The following PELI1 variants were observed in gnomAD, a reference collection of about 807,000 sequenced individuals.
PELI1 encodes the protein E3 ubiquitin-protein ligase pellino homolog 1.
PELI1 carries 15 observed loss-of-function variants against 41.3 expected under a neutral mutation model. That is an observed-to-expected ratio of 0.36 (90% CI 0.24 to 0.56). PELI1 has a LOEUF of 0.56. PELI1 is among the 20% of genes least tolerant of loss of function. The pLI is 0.82. For missense variants in PELI1, 403 were observed against 525.5 expected, an observed-to-expected ratio of 0.77 and a Z score of 2.28; for synonymous variants, 178 against 180.1, an observed-to-expected ratio of 0.99 and a Z score of 0.09.
intron 1 of PELI1, among the ~76,000 whole-genome samples, chr2:64,112,650 C>T (rs984929489): frequency 1.3e-5 from 2 of 152,172 alleles, no homozygotes; most frequent in Admixed American, 6.5e-5. Flanking sequence ...TCAATCTTGG[C>T]TTCTACTTCT....
chr2:64,140,044 T>G (rs1456376704), intron 1 of PELI1, among the ~76,000 whole-genome samples: 1 of 152,222 alleles, frequency 6.6e-6, no homozygotes, highest in Non-Finnish European at 1.5e-5. Flanking sequence ...TTTCTTAGCT[T>G]ATTTTAGACA....
At chr2:64,103,353 T>C (rs980865587) in intron 3 of PELI1, among the ~76,000 whole-genome samples, 4 of 152,176 alleles carry the variant, frequency 2.6e-5, no homozygotes, top group African/African-American at 9.7e-5. Flanking sequence ...TCTGAAAATA[T>C]GCTGTGCATT....
intron 1 of PELI1, among the ~76,000 whole-genome samples, chr2:64,141,296 T>C (rs1408357540): frequency 4.1e-5 from 6 of 146,782 alleles, no homozygotes; most frequent in African/African-American, 1.5e-4. Context: ...TGGAATAACA[T>C]GTTTCCCGCC....
At position 64,093,515 on chromosome 2, in the gene PELI1, A is replaced by T. The variant is rs921176921; in HGVS notation, c.*1187T>A. On this transcript the variant is annotated 3_prime_UTR_variant, in exon 7 of 7. Coordinates refer to ENST00000358912, the MANE Select transcript of PELI1 (RefSeq NM_020651.4). ...GCAAAAGACATATTGGAATTAGAGA[A>T]TAAACAGACCATGCAGTGCGTCACT... 6.6e-6 allele frequency: 1 copy of T among 152,624 alleles called. No homozygotes were observed. Among genetic ancestry groups the T allele is most frequent in the Middle Eastern group, 3.2e-3 (1 of 316 alleles). The allele number at this position is 152,624 out of a possible 1,614,324, so 9.5% of individuals were successfully genotyped here.
Position 64,096,503 on chromosome 2 carries a change from A to C in PELI1, c.411T>G (p.Phe137Leu). The change falls in exon 5 of 7, where the codon TTT (phenylalanine) becomes TTG (leucine). Residue 137 changes from phenylalanine to leucine, a missense_variant. Coordinates refer to ENST00000358912, the MANE Select transcript of PELI1 (RefSeq NM_020651.4). Reference sequence around the variant, plus strand: ...TCCGTTCACATATGATTCTGCAGGCAAATCTTGATATAGTGCTTTGTACTG... The same window carrying C: ...TCCGTTCACATATGATTCTGCAGGCCAATCTTGATATAGTGCTTTGTACTG... Reference protein sequence around the residue: ...TQSVQSTISRFACRIICERNP... With the variant: ...TQSVQSTISRLACRIICERNP... 1 of 1,612,224 alleles carries C rather than the reference A, an allele frequency of 6.2e-7. No individual in the cohort carries two copies. The highest frequency in any genetic ancestry group is 1.1e-5 in the South Asian group (1 of 91,042).
intron 1 of PELI1, among the ~76,000 whole-genome samples, chr2:64,129,007 A>G (rs920234127): frequency 6.6e-6 from 1 of 152,130 alleles, no homozygotes; most frequent in African/African-American, 2.4e-5. Flanking sequence ...CACCATCACA[A>G]TGTTTACTGA....
intron 1 of PELI1, among the ~76,000 whole-genome samples, chr2:64,136,844 A>T (rs1681732104): frequency 6.6e-6 from 1 of 152,226 alleles, no homozygotes; most frequent in African/African-American, 2.4e-5. Flanking sequence ...TGGAGGTTGC[A>T]GTGAGCCGAG....
chr2:64,113,300 GAAA>G (rs57291699), intron 1 of PELI1, among the ~76,000 whole-genome samples: 2,302 of 131,826 alleles, frequency 0.017, 52 homozygotes, highest in African/African-American at 0.06. Flanking sequence ...CAAAAAAAAA[GAAA>G]AAAAAAAAAA....
chr2:64,108,147 T>A (rs1680682844), intron 2 of PELI1, 93 bp downstream of exon 2: 2 of 697,678 alleles, frequency 2.9e-6, no homozygotes, highest in Non-Finnish European at 5.1e-6. Context: ...GCAGGTAAGA[T>A]ATAAATTCCA....
Position 64,096,299 on chromosome 2 carries a change from T to C in PELI1, c.516A>G (p.Lys172=), listed in dbSNP as rs1371992715. The part of the protein sequence containing the change: ...KNIFLGEKAA[K]WKTSDGQMDG... ...CCATCTGTCCATCTGATGTCTTCCA[T>C]TTGGCAGCCTTCTCCTAGTAGAAAT... The change falls in exon 6 of 7, where the codon AAA becomes AAG. Residue 172 remains lysine, a synonymous_variant. Coordinates refer to ENST00000358912, the MANE Select transcript of PELI1 (RefSeq NM_020651.4). 1.2e-6 allele frequency: 2 copies of C among 1,613,964 alleles called. No homozygotes were observed. The highest frequency in any genetic ancestry group is 1.7e-6 in the Non-Finnish European group (2 of 1,179,856).
Position 64,096,467 on chromosome 2 carries a change from A to T in PELI1, c.447T>A (p.Phe149Leu), listed in dbSNP as rs932980495. 7.4e-6 allele frequency: 12 copies of T among 1,613,684 alleles called. No individual in the cohort carries two copies. The highest frequency in any genetic ancestry group is 1.0e-5 in the Non-Finnish European group (12 of 1,179,672). ...ATCCTGCAGCATAAATCCGTGCTGT[A>T]AAGGGAGGATTCCGTTCACATATGA... ...CRIICERNPP[F>L]TARIYAAGFD... Residue 149 changes from phenylalanine (F) to leucine (L), a missense_variant, in exon 5 of 7, where the codon TTT becomes TTA. Physicochemically the swap from Phe to Leu is conservative, Grantham distance 22. Coordinates refer to ENST00000358912, the MANE Select transcript of PELI1 (RefSeq NM_020651.4).
intron 3 of PELI1, among the ~76,000 whole-genome samples, chr2:64,102,631 C>G (rs927015722): frequency 6.6e-6 from 1 of 152,108 alleles, no homozygotes; most frequent in East Asian, 1.9e-4. Flanking sequence ...TTTTTATGTG[C>G]TTTGAAATTG....
At chr2:64,122,078 A>AT (rs1463884504) in intron 1 of PELI1, among the ~76,000 whole-genome samples, 1 of 152,068 alleles carries the variant, frequency 6.6e-6, no homozygotes, top group Non-Finnish European at 1.5e-5. Flanking sequence ...CTTTACAATG[A>AT]TGTTTAATTA....
intron 3 of PELI1, among the ~76,000 whole-genome samples, chr2:64,104,309 C>T (rs571206118): frequency 3.3e-5 from 5 of 150,418 alleles, no homozygotes; most frequent in Non-Finnish European, 7.4e-5. Context: ...TACCTGAATA[C>T]ACATATTATA....
In PELI1 at chr2:64,093,977, G is replaced by A. The variant is rs1680136146; in HGVS notation, c.*725C>T. ...AAATGTTTCTTAGCATTAAGTTTTT[G>A]TTATAGTACTACGCTCGAGAGAAAC... On this transcript the variant is annotated 3_prime_UTR_variant, in exon 7 of 7. Coordinates refer to ENST00000358912, the MANE Select transcript of PELI1 (RefSeq NM_020651.4). 1 of 152,570 alleles carries A rather than the reference G, an allele frequency of 6.6e-6. No homozygotes were observed. The highest frequency in any genetic ancestry group is 2.1e-4 in the South Asian group (1 of 4,830). The allele number at this position is 152,570 out of a possible 1,614,324, so 9.5% of individuals were successfully genotyped here.
intron 1 of PELI1, among the ~76,000 whole-genome samples, chr2:64,123,909 G>A (rs370209066): frequency 3.3e-5 from 5 of 152,102 alleles, no homozygotes; most frequent in East Asian, 3.9e-4. Flanking sequence ...ATCAACAGTC[G>A]GATAAACAAA....
chr2:64,133,142 T>A (rs2103738877), intron 1 of PELI1, among the ~76,000 whole-genome samples: 1 of 152,102 alleles, frequency 6.6e-6, no homozygotes, highest in East Asian at 1.9e-4. Flanking sequence ...TTAAAATGAG[T>A]TTCCATCAAA....
chr2:64,121,731 C>A (rs1309741205), intron 1 of PELI1, among the ~76,000 whole-genome samples: 1 of 151,972 alleles, frequency 6.6e-6, no homozygotes, highest in Non-Finnish European at 1.5e-5. Context: ...CATGGAGAAA[C>A]CCCGTCTCTA....
chr2:64,104,569 T>G (rs1680555961), intron 3 of PELI1, 132 bp downstream of exon 3: 2 of 1,328,370 alleles, frequency 1.5e-6, no homozygotes, highest in East Asian at 5.1e-5. Flanking sequence ...CTCCAAAGTC[T>G]CTTCTCCAAT....
Sources: gnomAD v4.1 joint callset for allele counts (sites outside exome capture counted in the v4.1 genomes callset) on GRCh38, gnomAD v4.1.1 for gene constraint, MANE v1.5 for transcripts, NCBI Gene and HGNC (gene_info 2026-07-23, HGNC 2026-07-21) for gene names.